Variants in SELENOO observed in about 807,000 individuals in gnomAD.
SELENOO encodes the protein protein adenylyltransferase SelO, mitochondrial.
In SELENOO, 74 loss-of-function variants were observed where a neutral mutation model predicts 58.7. That is an observed-to-expected ratio of 1.26 (90% CI 1.04 to 1.53). The LOEUF is 1.53. Ranked by LOEUF, SELENOO falls within the 40% of genes most tolerant of loss-of-function variation. SELENOO has a pLI of 0.00. For synonymous variants in SELENOO, 543 were observed against 453.2 expected (o/e 1.20, Z -2.52); for missense variants, 1,149 against 970.0 (o/e 1.18, Z -2.45).
At chr22:50,210,127 G>A in intron 3 of SELENOO, 54 bp from the exon 4 acceptor site, 3 of 1,583,420 alleles carry the variant, frequency 1.9e-6, no homozygotes, top group Non-Finnish European at 2.6e-6. Flanking sequence ...GGACACGAGT[G>A]GGGAGGTCTG....
intron 3 of SELENOO, 64 bp downstream of exon 3, chr22:50,208,780 G>A: frequency 1.3e-6 from 2 of 1,496,108 alleles, no homozygotes; most frequent in Non-Finnish European, 1.8e-6. Context: ...CTGTGTTGAA[G>A]ACACCCTCAT....
rs548619219 is a variant in SELENOO at position 50,204,599 on chromosome 22, T to C, written c.555-1718T>C. On this transcript the variant is annotated intron_variant, in intron 1 of 8. Transcript: ENST00000380903. The stretch of plus-strand genomic sequence containing the variant: ...CCGAGATCACGCCACTGTCCCTGGG[T>C]GACAGAGTGAGACCCTGTCTCAAAA... Among the ~76,000 whole-genome samples, 36 of 148,940 alleles carry C rather than the reference T, an allele frequency of 2.4e-4. No individual in the cohort carries two copies. The South Asian group carries it at 7.8e-3, about 32-fold the overall frequency.
In SELENOO at chr22:50,210,187, C is replaced by G. The variant is rs375363660; in HGVS notation, c.946C>G (p.Arg316Gly). The G allele has an allele frequency of 6.2e-6, 10 of 1,612,950 alleles. No homozygotes were observed. The East Asian group carries it at 8.9e-5, about 14-fold the overall frequency. Residue 316 changes from arginine (R) to glycine (G), a missense_variant, in exon 4 of 9, where the codon CGG becomes GGG. Coordinates refer to ENST00000380903, the MANE Select transcript of SELENOO (RefSeq NM_031454.2). ...GCACACTGTCCCACCCCAGGTGACG[C>G]GGCGCACGGCGCGGATGGTGGCCGA... ...RNAAFFREVTRRTARMVAEWQ... is the reference protein window; with the variant it reads ...RNAAFFREVTGRTARMVAEWQ...
chr22:50,204,091 G>T (rs917776169), intron 1 of SELENOO, among the ~76,000 whole-genome samples: 1 of 152,168 alleles, frequency 6.6e-6, no homozygotes, highest in Non-Finnish European at 1.5e-5. Context: ...ATGAGAAGAC[G>T]CTCAACGTCA....
intron 1 of SELENOO, among the ~76,000 whole-genome samples, chr22:50,205,417 A>C (rs937218050): frequency 6.6e-6 from 1 of 152,202 alleles, no homozygotes; most frequent in Non-Finnish European, 1.5e-5. Flanking sequence ...CCCCGTCTTT[A>C]CAAAAAGTAA....
intron 5 of SELENOO, among the ~76,000 whole-genome samples, chr22:50,213,615 A>G (rs547406823): frequency 4.9e-4 from 74 of 151,960 alleles, no homozygotes; most frequent in Non-Finnish European, 1.0e-3. Flanking sequence ...GCTGTTGTTC[A>G]GGTCTTCCAT....
Position 50,216,700 on chromosome 22 carries a change from C to T in SELENOO, c.1512C>T (p.Ser504=), listed in dbSNP as rs569671703. 6.3e-7 allele frequency: 1 copy of T among 1,592,404 alleles called. No individual in the cohort carries two copies. The highest frequency in any genetic ancestry group is 8.5e-7 in the Non-Finnish European group (1 of 1,172,914). Residue 504 remains serine, a synonymous_variant, in exon 7 of 9, where the codon TCC becomes TCT. Transcript: ENST00000380903. The stretch of plus-strand genomic sequence containing the variant: ...CCTGGCCTCTCCACAGGCAGCTATC[C>T]ATGATGCTGATGCTGGCGCAGTCAA... ...FRPQMDPRQL[S]MMLMLAQSNP...
rs769524896 is a variant in SELENOO, at chr22:50,201,063, G to A, written c.27G>A (p.Gly9=). The A allele has an allele frequency of 1.8e-5, 24 of 1,358,316 alleles. 1 individual carries two copies. Among genetic ancestry groups the A allele is most frequent in the Admixed American group, 6.3e-5 (2 of 31,512 alleles). The allele number at this position is 1,358,316 out of a possible 1,614,324, so 84.1% of individuals were successfully genotyped here. The change falls in exon 1 of 9, where the codon GGG becomes GGA. Residue 9 remains glycine, a synonymous_variant. Transcript: ENST00000380903. MAVYRAAL[G]ASLAAARLLP... is the part of the protein sequence containing the mutation. ...TGGCCGTATACAGGGCAGCGCTCGGGGCTTCGCTCGCGGCTGCCCGACTCT... is the reference window on the plus strand; with the variant it reads ...TGGCCGTATACAGGGCAGCGCTCGGAGCTTCGCTCGCGGCTGCCCGACTCT...
chr22:50,214,166 G>GT (rs1290871879), intron 5 of SELENOO, among the ~76,000 whole-genome samples: 3 of 152,142 alleles, frequency 2.0e-5, no homozygotes. Context: ...GAGGGTGGAT[G>GT]TGTCTCACTT....
chr22:50,201,534 G>GA lies in SELENOO; in HGVS notation c.499dup (p.Thr167AsnfsTer67). 1 of 1,416,398 alleles carries GA rather than the reference G, an allele frequency of 7.1e-7. No individual in the cohort carries two copies. Among genetic ancestry groups the GA allele is most frequent in the Non-Finnish European group, 9.2e-7 (1 of 1,083,466 alleles). 87.7% of individuals were successfully genotyped at this position (1,416,398 alleles called of 1,614,324 possible). ...TGTACCTGGGCGAGGTGTGCACGGC[G>GA]ACCGGCGAGCGCTGGGAGCTGCAGC... On this transcript the variant is annotated frameshift_variant, in exon 1 of 9. Transcript: ENST00000380903. LOFTEE classifies it high-confidence loss of function.
Position 50,206,447 on chromosome 22 carries a change from G to C in SELENOO, c.685G>C (p.Asp229His), listed in dbSNP as rs377092978. 1 of 1,614,204 alleles carries C rather than the reference G, an allele frequency of 6.2e-7. No homozygotes were observed. Among genetic ancestry groups the C allele is most frequent in the Non-Finnish European group, 8.5e-7 (1 of 1,180,034 alleles). ...CVTSESTVVR[D>H]VFYDGNPKYE... ...CACGTCCGAGTCCACGGTGGTGCGC[G>C]ACGTGTTCTATGATGGTAATCCCAA... The change falls in exon 2 of 9, where the codon GAC becomes CAC. Residue 229 changes from aspartate to histidine, a missense_variant. Physicochemically the swap from Asp to His is moderately conservative, Grantham distance 81 (BLOSUM62 -1). Transcript: ENST00000380903.
chr22:50,210,471 G>A (rs1008233090), intron 4 of SELENOO, among the ~76,000 whole-genome samples, 160 bp downstream of exon 4: 25 of 152,154 alleles, frequency 1.6e-4, no homozygotes, highest in African/African-American at 6.0e-4. Context: ...CAATCCCGGA[G>A]GCCTTGGCCA....
At chr22:50,207,813 A>T (rs575052085) in intron 2 of SELENOO, among the ~76,000 whole-genome samples, 1 of 124,850 alleles carries the variant, frequency 8.0e-6, no homozygotes, top group East Asian at 2.3e-4. Context: ...GCGCTCACAG[A>T]TGTGTGTCCA....
rs1249158989 is a variant in SELENOO, at chr22:50,201,116, C to T, written c.80C>T (p.Pro27Leu). ...CCCCTCGGTCGCTGTTCCCCGTCGC[C>T]GGCGCCCCGCTCTACGTTGTCGGGC... is the stretch of plus-strand genomic sequence containing the variant. Reference protein sequence around the residue: ...LLPLGRCSPSPAPRSTLSGAA... With the variant: ...LLPLGRCSPSLAPRSTLSGAA... The change falls in exon 1 of 9, where the codon CCG (proline) becomes CTG (leucine). Residue 27 changes from proline to leucine, a missense_variant. Physicochemically the swap from Pro to Leu is moderately conservative, Grantham distance 98 (BLOSUM62 -3). Coordinates refer to ENST00000380903, the MANE Select transcript of SELENOO (RefSeq NM_031454.2). The T allele has an allele frequency of 3.0e-6, 4 of 1,337,472 alleles. No homozygotes were observed. Among genetic ancestry groups the T allele is most frequent in the Admixed American group, 3.4e-5 (1 of 29,006 alleles). 82.9% of individuals were successfully genotyped at this position (1,337,472 alleles called of 1,614,324 possible).
chr22:50,215,662 A>T (rs567960085), intron 5 of SELENOO, 55 bp from the exon 6 acceptor site: 2 of 1,276,598 alleles, frequency 1.6e-6, no homozygotes, highest in Admixed American at 4.0e-5. Flanking sequence ...GTGTGGCACC[A>T]GGACAGGGAC....
intron 5 of SELENOO, among the ~76,000 whole-genome samples, chr22:50,212,044 A>C (rs77350583): frequency 0.018 from 2,726 of 152,270 alleles, 75 homozygotes; most frequent in East Asian, 0.12. Flanking sequence ...TGTTGCGAGT[A>C]TTTTGAGGAT....
At chr22:50,214,683 G>A (rs1415783082) in intron 5 of SELENOO, among the ~76,000 whole-genome samples, 1 of 152,136 alleles carries the variant, frequency 6.6e-6, no homozygotes, top group Non-Finnish European at 1.5e-5. Flanking sequence ...GAGAATTGCT[G>A]GAACCCAGGA....
In SELENOO at chr22:50,215,859, G is replaced by A. The variant is rs781719109; in HGVS notation, c.1494G>A (p.Met498Ile). 9.3e-6 allele frequency: 15 copies of A among 1,607,868 alleles called. No homozygotes were observed. Among genetic ancestry groups the A allele is most frequent in the Non-Finnish European group, 1.3e-5 (15 of 1,175,692 alleles). ...TGAGGCTGGCCTTCCGGCCCCAGAT[G>A]GATCCCCGGTGGGTACTCAGTTCCT... is the stretch of plus-strand genomic sequence containing the variant. ...EELRLAFRPQ[M>I]DPRQLSMMLM... Residue 498 changes from methionine (M) to isoleucine (I), a missense_variant, in exon 6 of 9, where the codon ATG becomes ATA. Coordinates refer to ENST00000380903, the MANE Select transcript of SELENOO (RefSeq NM_031454.2).
chr22:50,215,902 T>G, intron 6 of SELENOO, 35 bp downstream of exon 6: 2 of 1,556,482 alleles, frequency 1.3e-6, no homozygotes, highest in Non-Finnish European at 1.8e-6. Context: ...TGGATTTGTT[T>G]CCAGAAAAGG....
Sources: allele counts gnomAD v4.1 joint callset (sites outside exome capture counted in the v4.1 genomes callset), GRCh38; gene constraint gnomAD v4.1.1; transcripts MANE v1.5; gene names NCBI Gene and HGNC (gene_info 2026-07-23, HGNC 2026-07-21).